Variants in TMEM87A observed in about 807,000 individuals in gnomAD.
The protein encoded by TMEM87A is transmembrane protein 87A.
Under a neutral mutation model 90.0 loss-of-function variants are expected in TMEM87A, and 50 were observed. The ratio of observed to expected loss-of-function variants is 0.56; its 90% confidence interval spans 0.44 to 0.70. The LOEUF is 0.70. Among genes scored for constraint, TMEM87A ranks in the 30% least tolerant of loss-of-function variants. The probability of loss-of-function intolerance (pLI) is 0.00; values close to 1 mark genes in which losing one functional copy is unlikely to be tolerated. For missense variants in TMEM87A, 577 were observed against 660.5 expected (o/e 0.87, Z 1.39); for synonymous variants, 226 against 226.7 (o/e 1.00, Z 0.03).
intron 1 of TMEM87A, chr15:42,272,909 G>T: frequency 2.0e-6 from 1 of 494,274 alleles, no homozygotes; most frequent in Non-Finnish European, 4.0e-6. Flanking sequence ...TATCCAACCC[G>T]GGGACACTGG....
chr15:42,249,615 G>A (rs1305153806), intron 6 of TMEM87A, among the ~76,000 whole-genome samples: 1 of 152,220 alleles, frequency 6.6e-6, no homozygotes, highest in African/African-American at 2.4e-5. Context: ...TTAATCTTGA[G>A]TTCTAATTTG....
At chr15:42,244,020 C>A in intron 7 of TMEM87A, 30 bp downstream of exon 7, 2 of 1,342,996 alleles carry the variant, frequency 1.5e-6, no homozygotes, top group South Asian at 1.4e-5. Flanking sequence ...CAGATAATAA[C>A]ATAACCATTA....
At chr15:42,250,469 C>T (rs1005697111) in intron 6 of TMEM87A, among the ~76,000 whole-genome samples, 1 of 152,100 alleles carries the variant, frequency 6.6e-6, no homozygotes, top group African/African-American at 2.4e-5. Flanking sequence ...CTGGTGGTGA[C>T]AAAAATCTCT....
rs116457608 is a variant in TMEM87A, at chr15:42,239,433, G to A, written c.684+237C>T. On this transcript the variant is annotated intron_variant, in intron 8 of 19. Coordinates refer to ENST00000389834, the MANE Select transcript of TMEM87A (RefSeq NM_015497.5). ...CTAGAGAGAATGTGAGATGATCTTT[G>A]AGGTATTTCCACAGGTCACTGACCC... Among the ~76,000 whole-genome samples the A allele has an allele frequency of 2.6e-3, 400 of 152,276 alleles. 1 individual carries two copies. Among genetic ancestry groups the A allele is most frequent in the African/African-American group, 9.3e-3 (386 of 41,556 alleles).
At chr15:42,221,492 T>TAA (rs2050485109) in intron 15 of TMEM87A, among the ~76,000 whole-genome samples, 2 of 152,164 alleles carry the variant, frequency 1.3e-5, no homozygotes, top group South Asian at 4.1e-4. Flanking sequence ...AATATATATA[T>TAA]AATCTCCCTA....
chr15:42,264,066 T>C, intron 4 of TMEM87A, 24 bp downstream of exon 4: 6 of 1,580,790 alleles, frequency 3.8e-6, no homozygotes, highest in Admixed American at 1.7e-5. Flanking sequence ...ATTCTATTTA[T>C]CTCCAATCAC....
chr15:42,243,946 A>G, intron 7 of TMEM87A, 104 bp downstream of exon 7: 1 of 609,510 alleles, frequency 1.6e-6, no homozygotes, highest in Non-Finnish European at 2.7e-6. Flanking sequence ...AATGAAGGAA[A>G]TAGAAATCTG....
At chr15:42,238,835 A>G (rs1318649517) in intron 8 of TMEM87A, among the ~76,000 whole-genome samples, 3 of 151,632 alleles carry the variant, frequency 2.0e-5, no homozygotes, top group African/African-American at 7.3e-5. Flanking sequence ...AAGAAGAAAA[A>G]TGGCATGATG....
intron 4 of TMEM87A, chr15:42,262,009 C>T (rs1037036535): frequency 2.0e-5 from 3 of 152,230 alleles, no homozygotes; most frequent in Admixed American, 6.5e-5. Flanking sequence ...TAAAAAACTA[C>T]ACTAATTATC....
Position 42,215,939 on chromosome 15 carries a change from T to TG in TMEM87A, c.1626+1863dup, listed in dbSNP as rs1198234710. ...TCTCAAAGAGAAATGTGCACTCCCATGTTCACTGCAACATTATTCACAACA... is the reference window on the plus strand; with the variant it reads ...TCTCAAAGAGAAATGTGCACTCCCATGGTTCACTGCAACATTATTCACAACA... On this transcript the variant is annotated intron_variant, in intron 19 of 19. Coordinates refer to ENST00000389834, the MANE Select transcript of TMEM87A (RefSeq NM_015497.5). Among the ~76,000 whole-genome samples, 5 of 152,328 alleles carry TG rather than the reference T, an allele frequency of 3.3e-5. No homozygotes were observed. In the South Asian group the frequency reaches 6.2e-4, roughly 19 times the overall value.
intron 12 of TMEM87A, among the ~76,000 whole-genome samples, chr15:42,229,638 G>T (rs1185659046): frequency 6.6e-6 from 1 of 152,098 alleles, no homozygotes; most frequent in East Asian, 1.9e-4. Flanking sequence ...GCCATCTTAA[G>T]GAACCTGCCA....
chr15:42,235,433 T>C (rs945815048), intron 10 of TMEM87A, among the ~76,000 whole-genome samples: 1 of 152,214 alleles, frequency 6.6e-6, no homozygotes, highest in African/African-American at 2.4e-5. Context: ...AGTTATCTAA[T>C]TCAACTCCAA....
Position 42,211,459 on chromosome 15 carries a change from G to A in TMEM87A, c.*249C>T. The stretch of plus-strand genomic sequence containing the variant: ...AAGTTGCATGAACATCCATGTCAGA[G>A]TCTGGGAGGAAAGGGGGCAGCAGTG... On this transcript the variant is annotated 3_prime_UTR_variant, in exon 20 of 20. Coordinates refer to ENST00000389834, the MANE Select transcript of TMEM87A (RefSeq NM_015497.5). 1 of 410,028 alleles carries A rather than the reference G, an allele frequency of 2.4e-6. No individual in the cohort carries two copies. The highest frequency in any genetic ancestry group is 4.4e-6 in the Non-Finnish European group (1 of 228,310). 25.4% of individuals were successfully genotyped at this position (410,028 alleles called of 1,614,324 possible).
chr15:42,271,957 T>G (rs996157112), intron 2 of TMEM87A, 106 bp downstream of exon 2: 8 of 906,700 alleles, frequency 8.8e-6, no homozygotes, highest in Non-Finnish European at 1.3e-5. Context: ...TATACCTAGA[T>G]AATGCCAGAC....
intron 6 of TMEM87A, among the ~76,000 whole-genome samples, chr15:42,253,625 C>T (rs908029997): frequency 3.9e-5 from 6 of 152,170 alleles, no homozygotes; most frequent in African/African-American, 1.4e-4. Flanking sequence ...ACCTGCACCA[C>T]GACTGCGAGT....
intron 6 of TMEM87A, chr15:42,257,872 A>G (rs2051212588): frequency 1.0e-6 from 1 of 976,298 alleles, no homozygotes; most frequent in Non-Finnish European, 1.2e-6. Flanking sequence ...ATGGTATATA[A>G]TATGATCTTA....
chr15:42,260,742 C>T (rs62002349), intron 6 of TMEM87A, among the ~76,000 whole-genome samples: 1 of 152,102 alleles, frequency 6.6e-6, no homozygotes, highest in Non-Finnish European at 1.5e-5. Context: ...AAAAGCAATA[C>T]ATGTGTACAG....
chr15:42,237,087 C>T (rs570198301), intron 9 of TMEM87A, among the ~76,000 whole-genome samples: 4 of 152,188 alleles, frequency 2.6e-5, no homozygotes, highest in Non-Finnish European at 5.9e-5. Flanking sequence ...GTGTGTCTTA[C>T]AATCAGTGAC....
chr15:42,244,015 AATAAC>A, intron 7 of TMEM87A, 30 bp downstream of exon 7: 2 of 1,282,254 alleles, frequency 1.6e-6, no homozygotes, highest in South Asian at 2.8e-5. Context: ...ATAACCAGAT[AATAAC>A]ATAACCATTA....
Sources: allele counts gnomAD v4.1 joint callset (sites outside exome capture counted in the v4.1 genomes callset), GRCh38; gene constraint gnomAD v4.1.1; transcripts MANE v1.5; gene names NCBI Gene and HGNC (gene_info 2026-07-23, HGNC 2026-07-21).